CD2AP: variants seen among roughly 807,000 people sequenced by gnomAD.
CD2AP encodes the protein CD2-associated protein.
A neutral mutation model predicts 85.1 loss-of-function variants in CD2AP; 46 were observed. The ratio of observed to expected loss-of-function variants is 0.54; its 90% confidence interval spans 0.43 to 0.69. The LOEUF (loss-of-function observed/expected upper bound fraction) is 0.69. CD2AP is among the 30% of genes least tolerant of loss of function. The probability of loss-of-function intolerance (pLI) is 0.00; values close to 1 mark genes in which losing one functional copy is unlikely to be tolerated. For missense variants in CD2AP, 769 were observed against 729.5 expected, an observed-to-expected ratio of 1.05 and a Z score of -0.62; for synonymous variants, 255 against 252.9, an observed-to-expected ratio of 1.01 and a Z score of -0.08.
chr6:47,492,347 C>CTTTTTTTTT (rs70999626), intron 1 of CD2AP, among the ~76,000 whole-genome samples: 1 of 95,522 alleles, frequency 1.0e-5, no homozygotes, highest in African/African-American at 4.1e-5. Flanking sequence ...CACCTGTAAT[C>CTTTTTTTTT]TTTTTTTTTT....
At chr6:47,606,518 A>C (rs1769276865) in intron 14 of CD2AP, among the ~76,000 whole-genome samples, 1 of 152,066 alleles carries the variant, frequency 6.6e-6, no homozygotes, top group South Asian at 2.1e-4. Context: ...CACAGAGCAC[A>C]GGGTCAAAGG....
At chr6:47,484,251 C>G (rs1765512789) in intron 1 of CD2AP, among the ~76,000 whole-genome samples, 1 of 151,964 alleles carries the variant, frequency 6.6e-6, no homozygotes, top group South Asian at 2.1e-4. Context: ...CCATGCTGTA[C>G]TCATTTTTGA....
At chr6:47,583,540 C>T (rs866444653) in intron 11 of CD2AP, among the ~76,000 whole-genome samples, 1 of 152,082 alleles carries the variant, frequency 6.6e-6, no homozygotes, top group Admixed American at 6.6e-5. Flanking sequence ...TTCAAATTGG[C>T]GTCTTTCACT....
intron 11 of CD2AP, among the ~76,000 whole-genome samples, chr6:47,589,377 T>TACACACACACAC (rs1430564786): frequency 8.6e-4 from 3 of 3,496 alleles, no homozygotes; most frequent in East Asian, 0.1. Context: ...AACTCTTGAA[T>TACACACACACAC]ATACACACAC....
chr6:47,619,090 A>G (rs1023870096), intron 17 of CD2AP, among the ~76,000 whole-genome samples: 3 of 152,128 alleles, frequency 2.0e-5, no homozygotes, highest in Admixed American at 1.3e-4. Context: ...ATTTTTTTCC[A>G]TACATTATTG....
intron 2 of CD2AP, among the ~76,000 whole-genome samples, chr6:47,526,113 G>A (rs1161703251): frequency 1.3e-5 from 2 of 152,184 alleles, no homozygotes; most frequent in African/African-American, 2.4e-5. Flanking sequence ...AACACTGGAA[G>A]CCTTACTAAT....
At chr6:47,582,964 T>C (rs1228348455) in intron 11 of CD2AP, among the ~76,000 whole-genome samples, 1 of 151,978 alleles carries the variant, frequency 6.6e-6, no homozygotes, top group Non-Finnish European at 1.5e-5. Context: ...TTGTATTTTT[T>C]AGTAGAGGCG....
intron 17 of CD2AP, among the ~76,000 whole-genome samples, chr6:47,622,950 C>A (rs78893899): frequency 6.6e-6 from 1 of 152,178 alleles, no homozygotes; most frequent in African/African-American, 2.4e-5. Context: ...GTAGCCTTCA[C>A]ACTCCCTACT....
intron 1 of CD2AP, among the ~76,000 whole-genome samples, chr6:47,490,062 AC>A (rs1224250439): frequency 2.0e-5 from 3 of 147,584 alleles, no homozygotes; most frequent in Non-Finnish European, 3.0e-5. Context: ...AGCAACCTTG[AC>A]CTCCTGGGGT....
intron 5 of CD2AP, among the ~76,000 whole-genome samples, chr6:47,558,793 T>A (rs575179382): frequency 6.8e-4 from 103 of 152,300 alleles, no homozygotes; most frequent in African/African-American, 2.4e-3. Flanking sequence ...CTTTTTTTTG[T>A]TGTGTCCGTG....
At chr6:47,620,136 G>T (rs1346025473) in intron 17 of CD2AP, among the ~76,000 whole-genome samples, 1 of 152,164 alleles carries the variant, frequency 6.6e-6, no homozygotes, top group African/African-American at 2.4e-5. Context: ...ATCCTTGCCT[G>T]TGCCAATAAC....
intron 17 of CD2AP, among the ~76,000 whole-genome samples, chr6:47,619,313 AACAT>A (rs70999640): frequency 0.27 from 40,745 of 151,994 alleles, 5,607 homozygotes; most frequent in African/African-American, 0.32. Context: ...TGTCCATGAG[AACAT>A]ACAATGTTTG....
At chr6:47,613,378 A>G (rs527672513) in intron 17 of CD2AP, among the ~76,000 whole-genome samples, 32 of 152,292 alleles carry the variant, frequency 2.1e-4, no homozygotes, top group African/African-American at 7.0e-4. Context: ...TGTCTCCTTG[A>G]TTCATGGGCT....
chr6:47,538,328 G>T (rs1018561875), intron 3 of CD2AP, among the ~76,000 whole-genome samples: 1 of 151,918 alleles, frequency 6.6e-6, no homozygotes, highest in Admixed American at 6.6e-5. Flanking sequence ...TGCACCCTTC[G>T]CCTTCCAGGT....
At chr6:47,534,719 G>A (rs112300396) in intron 3 of CD2AP, among the ~76,000 whole-genome samples, 296 of 152,004 alleles carry the variant, frequency 1.9e-3, no homozygotes, top group African/African-American at 6.9e-3. Flanking sequence ...AATATTAAAC[G>A]TGTACAAAGA....
At chr6:47,573,942 ATAGTT>A (rs1290712972) in intron 5 of CD2AP, 117 bp from the exon 6 acceptor site, 1 of 860,348 alleles carries the variant, frequency 1.2e-6, no homozygotes, top group African/African-American at 1.7e-5. Flanking sequence ...TCAGTACTGA[ATAGTT>A]TAATTTTTTT....
chr6:47,523,855 A>T (rs1015685323), intron 2 of CD2AP, among the ~76,000 whole-genome samples: 8 of 152,190 alleles, frequency 5.3e-5, no homozygotes, highest in African/African-American at 1.9e-4. Flanking sequence ...ATTTTATTTT[A>T]AATCACAGAC....
chr6:47,485,758 T>C (rs1765552833), intron 1 of CD2AP, among the ~76,000 whole-genome samples: 1 of 152,190 alleles, frequency 6.6e-6, no homozygotes, highest in South Asian at 2.1e-4. Context: ...TTATTACTTA[T>C]ACTGTATTTT....
chr6:47,525,163 G>A (rs754928025), intron 2 of CD2AP, among the ~76,000 whole-genome samples: 2 of 151,942 alleles, frequency 1.3e-5, no homozygotes, highest in Non-Finnish European at 2.9e-5. Context: ...TTTTTAAAAT[G>A]TAAGCCTAAA....
Sources: gnomAD v4.1 joint callset for allele counts (sites outside exome capture counted in the v4.1 genomes callset) on GRCh38, gnomAD v4.1.1 for gene constraint, MANE v1.5 for transcripts, NCBI Gene and HGNC (gene_info 2026-07-23, HGNC 2026-07-21) for gene names.